The following SEMA5A variants were observed in gnomAD, a reference collection of about 807,000 sequenced individuals.
SEMA5A encodes semaphorin-5A.
A neutral mutation model predicts 135.5 loss-of-function variants in SEMA5A; 55 were observed. The ratio of observed to expected loss-of-function variants is 0.41; its 90% CI spans 0.33 to 0.51. The LOEUF is 0.51. Ranked by LOEUF, SEMA5A falls within the 20% of genes least tolerant of loss-of-function variation. The pLI, the probability that SEMA5A is intolerant of heterozygous loss-of-function variation, is 0.37. For synonymous variants in SEMA5A, 580 were observed against 546.5 expected, an observed-to-expected ratio of 1.06 and a Z score of -0.85; for missense variants, 1,290 against 1,419.9, an observed-to-expected ratio of 0.91 and a Z score of 1.47.
intron 6 of SEMA5A, among the ~76,000 whole-genome samples, chr5:9,230,716 A>G (rs1579669420): frequency 6.6e-6 from 1 of 152,140 alleles, no homozygotes; most frequent in Non-Finnish European, 1.5e-5. Flanking sequence ...CCCCAGCCCT[A>G]TGGAACCCAG....
intron 2 of SEMA5A, among the ~76,000 whole-genome samples, chr5:9,427,382 A>T (rs141166882): frequency 1.3e-5 from 2 of 152,152 alleles, no homozygotes; most frequent in Non-Finnish European, 2.9e-5. Flanking sequence ...ACAACTACAT[A>T]TCAAGTTGAG....
chr5:9,178,619 G>A (rs562538335), intron 11 of SEMA5A, among the ~76,000 whole-genome samples: 16 of 152,182 alleles, frequency 1.1e-4, no homozygotes, highest in African/African-American at 2.4e-5. Context: ...ATGAGCCACC[G>A]CGCCCAGCCA....
At chr5:9,482,726 G>A (rs1245684679) in intron 1 of SEMA5A, among the ~76,000 whole-genome samples, 2 of 152,200 alleles carry the variant, frequency 1.3e-5, no homozygotes, top group African/African-American at 2.4e-5. Context: ...GCTCTCACAA[G>A]GTAGGAGGAA....
intron 2 of SEMA5A, among the ~76,000 whole-genome samples, chr5:9,403,260 C>T (rs1163655588): frequency 1.3e-5 from 2 of 152,116 alleles, no homozygotes; most frequent in Non-Finnish European, 2.9e-5. Flanking sequence ...GAATTTAACT[C>T]CCCAATACAA....
intron 2 of SEMA5A, among the ~76,000 whole-genome samples, chr5:9,408,422 C>G (rs1363594131): frequency 6.6e-6 from 1 of 152,184 alleles, no homozygotes; most frequent in African/African-American, 2.4e-5. Context: ...ATGTCCTCTC[C>G]ACACAAATTC....
At chr5:9,348,381 T>C (rs1753969852) in intron 3 of SEMA5A, among the ~76,000 whole-genome samples, 1 of 152,168 alleles carries the variant, frequency 6.6e-6, no homozygotes, top group South Asian at 2.1e-4. Context: ...TTATGCAAAT[T>C]CATATATTAT....
Position 9,042,502 on chromosome 5 carries a change from C to A in SEMA5A, c.*395G>T, listed in dbSNP as rs1462888347. 4.4e-6 allele frequency: 1 copy of A among 228,536 alleles called. No homozygotes were observed. The highest frequency in any genetic ancestry group is 8.5e-6 in the Non-Finnish European group (1 of 117,640). 14.2% of individuals were successfully genotyped at this position (228,536 alleles called of 1,614,324 possible). A position where few individuals can be genotyped will look rare whatever the true frequency, so the allele number is the denominator to read the frequency against. ...TGCACTTCTTGTGGAAGGAGCAGGT[C>A]TTTCAGAGAAAGTGCCTATTTTCTT... On this transcript the variant is annotated 3_prime_UTR_variant, in exon 23 of 23. Coordinates refer to ENST00000382496, the MANE Select transcript of SEMA5A (RefSeq NM_003966.3).
intron 2 of SEMA5A, among the ~76,000 whole-genome samples, chr5:9,433,906 T>C (rs1047722204): frequency 6.6e-6 from 1 of 152,208 alleles, no homozygotes; most frequent in Admixed American, 6.5e-5. Flanking sequence ...AAATCAACCA[T>C]AGCTCTTCTG....
chr5:9,386,780 C>G (rs1755911991), intron 2 of SEMA5A, among the ~76,000 whole-genome samples: 1 of 152,252 alleles, frequency 6.6e-6, no homozygotes, highest in Non-Finnish European at 1.5e-5. Flanking sequence ...ACAATCTACA[C>G]ATAGTCCCAA....
chr5:9,536,014 C>T (rs927143055), intron 1 of SEMA5A, among the ~76,000 whole-genome samples: 7 of 152,126 alleles, frequency 4.6e-5, no homozygotes, highest in Non-Finnish European at 8.8e-5. Context: ...AAAAAGGACA[C>T]GTGCTCCTGC....
intron 15 of SEMA5A, among the ~76,000 whole-genome samples, chr5:9,110,709 T>C (rs907209569): frequency 6.6e-6 from 1 of 152,212 alleles, no homozygotes; most frequent in Non-Finnish European, 1.5e-5. Flanking sequence ...GCAAGCAGTT[T>C]AGTTTGTCTA....
chr5:9,456,348 T>C (rs1758834603), intron 1 of SEMA5A, among the ~76,000 whole-genome samples: 1 of 152,126 alleles, frequency 6.6e-6, no homozygotes, highest in South Asian at 2.1e-4. Context: ...TGGGTGCAGA[T>C]GAGCACCAGG....
At chr5:9,294,618 A>C (rs903956912) in intron 5 of SEMA5A, among the ~76,000 whole-genome samples, 1 of 152,170 alleles carries the variant, frequency 6.6e-6, no homozygotes, top group Admixed American at 6.5e-5. Flanking sequence ...TACTTGCTTA[A>C]CCACTCAGAA....
Position 9,063,088 on chromosome 5 carries a change from G to A in SEMA5A, c.2317C>T (p.Leu773=). 6.2e-7 allele frequency: 1 copy of A among 1,613,424 alleles called. No individual in the cohort carries two copies. Among genetic ancestry groups the A allele is most frequent in the Non-Finnish European group, 8.5e-7 (1 of 1,179,702 alleles). The change falls in exon 18 of 23, where the codon CTG becomes TTG. Residue 773 remains leucine, a synonymous_variant. Coordinates refer to ENST00000382496, the MANE Select transcript of SEMA5A (RefSeq NM_003966.3). ...TGGGCAGAGTATCTCCCAGCACGCA[G>A]GAAATCCCCAGAAAGCCCTGCCAAG... ...CSTDGLSGDF[L]RAGRYSAHTV... is the part of the protein sequence containing the mutation.
chr5:9,452,446 ACCT>A (rs1758679959), intron 1 of SEMA5A, among the ~76,000 whole-genome samples: 1 of 152,146 alleles, frequency 6.6e-6, no homozygotes, highest in Non-Finnish European at 1.5e-5. Flanking sequence ...GTTCCCTGAC[ACCT>A]GATAATACAC....
chr5:9,236,186 A>T (rs1029321533), intron 6 of SEMA5A, among the ~76,000 whole-genome samples: 9 of 152,188 alleles, frequency 5.9e-5, no homozygotes, highest in African/African-American at 2.2e-4. Flanking sequence ...GGACACAGCC[A>T]AACCATATCA....
At chr5:9,495,252 C>T (rs1735241183) in intron 1 of SEMA5A, among the ~76,000 whole-genome samples, 1 of 152,152 alleles carries the variant, frequency 6.6e-6, no homozygotes, top group Non-Finnish European at 1.5e-5. Flanking sequence ...TACTAGGAGT[C>T]AGCAGGCAGG....
At chr5:9,465,934 G>A (rs1341094810) in intron 1 of SEMA5A, among the ~76,000 whole-genome samples, 1 of 152,202 alleles carries the variant, frequency 6.6e-6, no homozygotes, top group Admixed American at 6.5e-5. Flanking sequence ...GTGAGAGAGT[G>A]AGAAGAGAAC....
chr5:9,376,458 T>C (rs1755366798), intron 3 of SEMA5A, among the ~76,000 whole-genome samples: 1 of 152,162 alleles, frequency 6.6e-6, no homozygotes, highest in African/African-American at 2.4e-5. Flanking sequence ...CCTAGAAACC[T>C]TTTTCAACCA....
Sources: gnomAD v4.1 joint callset for allele counts (sites outside exome capture counted in the v4.1 genomes callset) on GRCh38, gnomAD v4.1.1 for gene constraint, MANE v1.5 for transcripts, NCBI Gene and HGNC (gene_info 2026-07-23, HGNC 2026-07-21) for gene names.